The following WBP2NL variants were observed in gnomAD, a reference collection of about 807,000 sequenced individuals.
WBP2NL encodes WBP2 N-terminal like.
WBP2NL carries 27 observed loss-of-function variants against 23.3 expected under a neutral mutation model. The observed-to-expected ratio is 1.16, with a 90% CI of 0.85 to 1.60. The LOEUF (loss-of-function observed/expected upper bound fraction) is 1.60. Among genes scored for constraint, WBP2NL ranks in the 40% most tolerant of loss-of-function variants. The pLI, the probability that WBP2NL is intolerant of heterozygous loss-of-function variation, is 0.00. For missense variants in WBP2NL, 370 were observed against 389.5 expected (o/e 0.95, Z 0.42); for synonymous variants, 151 against 145.9 (o/e 1.03, Z -0.25).
chr22:42,032,931 ATAT>A (rs1925042113), downstream of WBP2NL: 1 of 197,700 alleles, frequency 5.1e-6, no homozygotes, highest in Admixed American at 6.1e-5. Flanking sequence ...TTAATTATTA[ATAT>A]TATGGTATCT....
downstream of WBP2NL, among the ~76,000 whole-genome samples, chr22:42,034,612 A>G (rs1925111321): frequency 6.6e-6 from 1 of 152,194 alleles, no homozygotes; most frequent in Non-Finnish European, 1.5e-5. Context: ...ACCAAAGTTT[A>G]TTAGGCGGGA....
intron 1 of WBP2NL, among the ~76,000 whole-genome samples, chr22:42,018,312 CAAA>C (rs34200437): frequency 1.0e-4 from 5 of 48,616 alleles, no homozygotes; most frequent in Admixed American, 2.5e-4. Context: ...GACCCTGTCT[CAAA>C]AAAAAAAAAA....
Position 42,026,799 on chromosome 22 carries a change from G to A in WBP2NL, c.548G>A (p.Gly183Glu), listed in dbSNP as rs532554452. 6.5e-4 allele frequency: 1,045 copies of A among 1,613,058 alleles called. 20 individuals carry two copies. In the South Asian group the frequency reaches 0.011, roughly 17 times the overall value. The stretch of plus-strand genomic sequence containing the variant: ...TATGGAGCCCCACCTGCAGGATATG[G>A]AGCCCCACCTCCCGGATACGGAGCC... Reference protein sequence around the residue: ...IVYGAPPAGYGAPPPGYGAPP... With the variant: ...IVYGAPPAGYEAPPPGYGAPP... The change falls in exon 6 of 6, where the codon GGA (glycine) becomes GAA (glutamate). Residue 183 changes from glycine (G) to glutamate (E), a missense_variant. Coordinates refer to ENST00000328823, the MANE Select transcript of WBP2NL (RefSeq NM_152613.3).
chr22:42,045,379 T>C (rs1925549343), intron 8 of WBP2NL, among the ~76,000 whole-genome samples: 1 of 152,022 alleles, frequency 6.6e-6, no homozygotes, highest in South Asian at 2.1e-4. Context: ...AGGCGGAGCT[T>C]GCAGTGAGCC....
chr22:42,020,041 C>T lies in WBP2NL; in HGVS notation c.351C>T (p.Phe117=), dbSNP rs747508032. 1.2e-6 allele frequency: 2 copies of T among 1,614,100 alleles called. No individual in the cohort carries two copies. Among genetic ancestry groups the T allele is most frequent in the Non-Finnish European group, 1.7e-6 (2 of 1,180,016 alleles). The change falls in exon 4 of 6, where the codon TTC becomes TTT. Residue 117 remains phenylalanine (F), a synonymous_variant. Coordinates refer to ENST00000328823, the MANE Select transcript of WBP2NL (RefSeq NM_152613.3). ...GACAAGCTACTTTTAAATTAGTCTT[C>T]AGAAATGGAGATGCCATTGAATTTG... ...WEGQATFKLV[F]RNGDAIEFAQ...
downstream of WBP2NL, among the ~76,000 whole-genome samples, chr22:42,037,850 A>AGAGTGTGTGT: frequency 7.0e-6 from 1 of 143,816 alleles, no homozygotes; most frequent in African/African-American, 2.6e-5. Context: ...AGAGAGTGAG[A>AGAGTGTGTGT]GTGTGTGTGT....
intron 8 of WBP2NL, among the ~76,000 whole-genome samples, chr22:42,054,536 A>G (rs57796605): frequency 0.048 from 7,353 of 152,088 alleles, 609 homozygotes; most frequent in African/African-American, 0.17. Flanking sequence ...GGCATAATCT[A>G]AAGTCACTAA....
rs190619688 is a variant in WBP2NL, at chr22:42,024,935, T to C, written c.515-1831T>C. Among the ~76,000 whole-genome samples, 70 of 152,164 alleles carry C rather than the reference T, an allele frequency of 4.6e-4. 1 individual carries two copies. The Middle Eastern group carries it at 0.02, about 44-fold the overall frequency. On this transcript the variant is annotated intron_variant, in intron 5 of 5. Transcript: ENST00000328823. Reference sequence around the variant, plus strand: ...CTTGTGCCTCAGCCTCCTGAATAGCTGGGACTGCGGGTGTGTGCCACCCTG... The same window carrying C: ...CTTGTGCCTCAGCCTCCTGAATAGCCGGGACTGCGGGTGTGTGCCACCCTG...
intron 1 of WBP2NL, among the ~76,000 whole-genome samples, chr22:42,008,141 CCTTT>C (rs1569446660): frequency 1.4e-5 from 2 of 139,162 alleles, no homozygotes; most frequent in Non-Finnish European, 3.1e-5. Flanking sequence ...CCTTTCCTTT[CCTTT>C]CCTTTCCTTT....
At position 42,027,990 on chromosome 22, in the gene WBP2NL, C is replaced by T. The variant is rs1441496303; in HGVS notation, c.*809C>T. 2.5e-6 allele frequency: 1 copy of T among 398,320 alleles called. No individual in the cohort carries two copies. Among genetic ancestry groups the T allele is most frequent in the Non-Finnish European group, 4.4e-6 (1 of 226,014 alleles). The allele number at this position is 398,320 out of a possible 1,614,324, so 24.7% of individuals were successfully genotyped here. Reference sequence around the variant, plus strand: ...ACCTGAGATGAGAAAACATTTTTATCTCCAAAGATTTACAAATATTAAAAC... The same window carrying T: ...ACCTGAGATGAGAAAACATTTTTATTTCCAAAGATTTACAAATATTAAAAC... On this transcript the variant is annotated 3_prime_UTR_variant, in exon 6 of 6. Coordinates refer to ENST00000328823, the MANE Select transcript of WBP2NL (RefSeq NM_152613.3).
intron 8 of WBP2NL, among the ~76,000 whole-genome samples, chr22:42,055,390 A>C (rs866661712): frequency 5.9e-5 from 9 of 152,082 alleles, no homozygotes; most frequent in Non-Finnish European, 1.2e-4. Context: ...GGTCAGGCTG[A>C]TCTGGAACTC....
At chr22:42,029,987 C>T (rs1228375409), downstream of WBP2NL, 2 of 152,170 alleles carry the variant, frequency 1.3e-5, no homozygotes, top group Non-Finnish European at 2.9e-5. Context: ...AAACCAGATG[C>T]TCCCATGTTC....
rs1924541761 is a variant in WBP2NL at position 42,026,808 on chromosome 22, C to T, written c.557C>T (p.Pro186Leu). 1 of 1,613,864 alleles carries T rather than the reference C, an allele frequency of 6.2e-7. No homozygotes were observed. Among genetic ancestry groups the T allele is most frequent in the African/African-American group, 1.3e-5 (1 of 74,892 alleles). The change falls in exon 6 of 6, where the codon CCT becomes CTT. Residue 186 changes from proline (P) to leucine (L), a missense_variant. By Grantham distance (98) the Pro-to-Leu change is moderately conservative. Coordinates refer to ENST00000328823, the MANE Select transcript of WBP2NL (RefSeq NM_152613.3). Reference sequence around the variant, plus strand: ...CCACCTGCAGGATATGGAGCCCCACCTCCCGGATACGGAGCCCCACCTGCA... The same window carrying T: ...CCACCTGCAGGATATGGAGCCCCACTTCCCGGATACGGAGCCCCACCTGCA... ...GAPPAGYGAP[P>L]PGYGAPPAGY...
intron 4 of WBP2NL, among the ~76,000 whole-genome samples, chr22:42,020,866 GTGTATATATATATATA>G (rs1173834294): frequency 0.011 from 173 of 15,578 alleles, 6 homozygotes; most frequent in East Asian, 0.028. Context: ...GTGTGTGTGT[GTGTATATATATATATA>G]TATATATATA....
At chr22:42,026,357 A>G (rs1924492058) in intron 5 of WBP2NL, among the ~76,000 whole-genome samples, 1 of 151,508 alleles carries the variant, frequency 6.6e-6, no homozygotes, top group African/African-American at 2.4e-5. Flanking sequence ...GAATATTCAC[A>G]GAGATTCTAC....
chr22:42,036,857 CA>C (rs1310497354), downstream of WBP2NL, among the ~76,000 whole-genome samples: 5 of 152,112 alleles, frequency 3.3e-5, no homozygotes, highest in Non-Finnish European at 5.9e-5. Flanking sequence ...AGTTTCCAAA[CA>C]TTATTTTCCC....
intron 1 of WBP2NL, among the ~76,000 whole-genome samples, chr22:42,014,848 C>G (rs1468302194): frequency 6.6e-6 from 1 of 152,176 alleles, no homozygotes; most frequent in African/African-American, 2.4e-5. Context: ...TTCTCTACTT[C>G]CTGAGACTTT....
At chr22:42,047,067 C>T (rs1049626720) in intron 8 of WBP2NL, among the ~76,000 whole-genome samples, 1 of 152,064 alleles carries the variant, frequency 6.6e-6, no homozygotes, top group Non-Finnish European at 1.5e-5. Flanking sequence ...TCATCCATTG[C>T]TGTCGTGAGA....
chr22:42,035,164 T>C (rs1269241415), downstream of WBP2NL, among the ~76,000 whole-genome samples: 1 of 152,210 alleles, frequency 6.6e-6, no homozygotes, highest in Non-Finnish European at 1.5e-5. Flanking sequence ...TACAAAAGTA[T>C]TAATTTGGGG....
Sources: allele counts gnomAD v4.1 joint callset (sites outside exome capture counted in the v4.1 genomes callset), GRCh38; gene constraint gnomAD v4.1.1; transcripts MANE v1.5; gene names NCBI Gene and HGNC (gene_info 2026-07-23, HGNC 2026-07-21).